Variants in COP1 observed in about 807,000 individuals in gnomAD.
COP1 encodes the protein COP1 E3 ubiquitin ligase, also known as E3 ubiquitin-protein ligase COP1.
Under a neutral mutation model 101.3 loss-of-function variants are expected in COP1, and 24 were observed. That is an observed-to-expected ratio of 0.24 (90% CI 0.17 to 0.33). The LOEUF (loss-of-function observed/expected upper bound fraction) is 0.33, where lower values mean the gene tolerates loss of function less well. COP1 is among the 10% of genes least tolerant of loss of function. The pLI is 1.00. For missense variants in COP1, 663 were observed against 906.2 expected, an observed-to-expected ratio of 0.73 and a Z score of 3.45; for synonymous variants, 347 against 341.9, an observed-to-expected ratio of 1.01 and a Z score of -0.17.
At chr1:175,986,167 C>CG (rs1657073595) in intron 18 of COP1, among the ~76,000 whole-genome samples, 1 of 151,958 alleles carries the variant, frequency 6.6e-6, no homozygotes, top group Non-Finnish European at 1.5e-5. Flanking sequence ...CTACAGTCAC[C>CG]CGCCACCACG....
intron 8 of COP1, among the ~76,000 whole-genome samples, chr1:176,134,130 T>C (rs980974419): frequency 2.6e-5 from 4 of 151,974 alleles, no homozygotes; most frequent in Non-Finnish European, 5.9e-5. Context: ...AGATCCATAA[T>C]AGCTTTCCTA....
intron 7 of COP1, among the ~76,000 whole-genome samples, chr1:176,136,087 T>C (rs1034159365): frequency 8.6e-5 from 13 of 152,020 alleles, no homozygotes; most frequent in Non-Finnish European, 1.6e-4. Flanking sequence ...TCCCAGAATA[T>C]TGGTAATGTA....
At chr1:176,165,502 C>A (rs1694999452) in intron 3 of COP1, among the ~76,000 whole-genome samples, 1 of 151,900 alleles carries the variant, frequency 6.6e-6, no homozygotes, top group Non-Finnish European at 1.5e-5. Context: ...CGAGACCAGC[C>A]TGGCCAACAT....
At position 176,043,838 on chromosome 1, in the gene COP1, A is replaced by C. The variant is rs569723228; in HGVS notation, c.1422-20T>G. The C allele has an allele frequency of 2.5e-5, 33 of 1,326,546 alleles. No individual in the cohort carries two copies. The East Asian group carries it at 7.1e-4, about 29-fold the overall frequency. 82.2% of individuals were successfully genotyped at this position (1,326,546 alleles called of 1,614,324 possible). On this transcript the variant is annotated intron_variant, in intron 12 of 19. Coordinates refer to ENST00000367669, the MANE Select transcript of COP1 (RefSeq NM_022457.7). ...ATACAGCTGAAAGAAATACAGTTAA[A>C]AGTTACTTTACATAAAAATAAATAA... is the stretch of plus-strand genomic sequence containing the variant.
chr1:176,057,995 G>T (rs907635952), intron 11 of COP1, among the ~76,000 whole-genome samples: 28 of 84,070 alleles, frequency 3.3e-4, no homozygotes, highest in African/African-American at 8.3e-4. Flanking sequence ...CCCCGTCTGA[G>T]AGGTGAGGAG....
chr1:175,949,369 A>G (rs1000483836), intron 18 of COP1, among the ~76,000 whole-genome samples: 4 of 151,934 alleles, frequency 2.6e-5, no homozygotes, highest in Non-Finnish European at 5.9e-5. Context: ...GAATGTAGAA[A>G]GTGGTTGGAG....
chr1:176,024,234 G>A (rs1667293912), intron 15 of COP1, among the ~76,000 whole-genome samples: 1 of 152,200 alleles, frequency 6.6e-6, no homozygotes, highest in Non-Finnish European at 1.5e-5. Flanking sequence ...ACTCCAGCCT[G>A]GGCTCTGACA....
At chr1:176,142,124 C>T (rs1690791233) in intron 6 of COP1, among the ~76,000 whole-genome samples, 2 of 152,012 alleles carry the variant, frequency 1.3e-5, no homozygotes, top group South Asian at 4.1e-4. Context: ...AATAAGATGG[C>T]TTATTTAAGA....
At chr1:176,184,778 T>C in intron 1 of COP1, 86 bp from the exon 2 acceptor site, 1 of 914,416 alleles carries the variant, frequency 1.1e-6, no homozygotes, top group South Asian at 1.5e-5. Flanking sequence ...ACCAATGAAA[T>C]CATATTTCAA....
rs921483324 is a variant in COP1, at chr1:176,134,043, T to C, written c.968+967A>G. The C allele has an allele frequency of 8.0e-5, 28 of 348,364 alleles. No homozygotes were observed. In the Middle Eastern group the frequency reaches 4.0e-3, roughly 49 times the overall value. 21.6% of individuals were successfully genotyped at this position (348,364 alleles called of 1,614,324 possible). On this transcript the variant is annotated intron_variant, in intron 8 of 19. Coordinates refer to ENST00000367669, the MANE Select transcript of COP1 (RefSeq NM_022457.7). ...CAAGGATTCTCCATACTATAATTAA[T>C]GGGAAAAATGTCAAACCTCTGAATT...
At chr1:176,173,986 C>CAAAA (rs1212803591) in intron 3 of COP1, among the ~76,000 whole-genome samples, 11 of 49,076 alleles carry the variant, frequency 2.2e-4, no homozygotes, top group South Asian at 8.6e-4. Flanking sequence ...GATGCTGTCT[C>CAAAA]AAAAAAAAAA....
At chr1:176,024,334 ATAT>A (rs1667308394) in intron 15 of COP1, among the ~76,000 whole-genome samples, 1 of 152,224 alleles carries the variant, frequency 6.6e-6, no homozygotes, top group Non-Finnish European at 1.5e-5. Flanking sequence ...AGCTGGTTTA[ATAT>A]TATAGTAACA....
At chr1:176,189,089 T>C (rs1332951821) in intron 1 of COP1, among the ~76,000 whole-genome samples, 1 of 152,144 alleles carries the variant, frequency 6.6e-6, no homozygotes, top group Non-Finnish European at 1.5e-5. Context: ...CAATGCACTT[T>C]AAACTGCTAA....
intron 3 of COP1, 130 bp downstream of exon 3, chr1:176,175,780 G>A (rs1696850584): frequency 1.1e-5 from 5 of 456,780 alleles, no homozygotes; most frequent in Non-Finnish European, 1.9e-5. Flanking sequence ...CCAAGAAGAG[G>A]AAAGCACTGT....
rs1474877877 is a variant in COP1 at position 176,116,692 on chromosome 1, A to G, written c.969-11T>C. The G allele has an allele frequency of 8.2e-6, 13 of 1,592,812 alleles. No homozygotes were observed. Among genetic ancestry groups the G allele is most frequent in the Non-Finnish European group, 1.0e-5 (12 of 1,164,568 alleles). On this transcript the variant is annotated splice_polypyrimidine_tract_variant and intron_variant, in intron 8 of 19. Coordinates refer to ENST00000367669, the MANE Select transcript of COP1 (RefSeq NM_022457.7). ...GAATCAATAATACTACTGCAAAATG[A>G]AGAGAAAAAAATGTGATTTCAGTAT...
At chr1:176,093,231 CAT>C (rs1408951528) in intron 9 of COP1, among the ~76,000 whole-genome samples, 16 of 152,130 alleles carry the variant, frequency 1.1e-4, no homozygotes, top group African/African-American at 3.9e-4. Context: ...GTTAGGAACA[CAT>C]GAGTAACCTG....
chr1:176,037,959 G>A (rs1172052547), intron 14 of COP1, among the ~76,000 whole-genome samples: 10 of 152,078 alleles, frequency 6.6e-5, no homozygotes, highest in South Asian at 2.1e-4. Context: ...AGGCAGGAAC[G>A]GGAAAGAAAG....
At chr1:175,954,879 T>A (rs922512159) in intron 18 of COP1, among the ~76,000 whole-genome samples, 19 of 152,168 alleles carry the variant, frequency 1.2e-4, no homozygotes, top group African/African-American at 4.6e-4. Flanking sequence ...TAATGCATCA[T>A]GTCTAAATGG....
chr1:175,982,518 T>C (rs570013317), intron 18 of COP1: 8 of 360,560 alleles, frequency 2.2e-5, no homozygotes, highest in South Asian at 1.6e-4. Context: ...TTTTCTTTTA[T>C]GATTTTCTTA....
Sources: gnomAD v4.1 joint callset for allele counts (sites outside exome capture counted in the v4.1 genomes callset) on GRCh38, gnomAD v4.1.1 for gene constraint, MANE v1.5 for transcripts, NCBI Gene and HGNC (gene_info 2026-07-23, HGNC 2026-07-21) for gene names.